The following DCAF8L2 variants were observed in gnomAD, a reference collection of about 807,000 sequenced individuals.
The protein encoded by DCAF8L2 is DDB1 and CUL4 associated factor 8 like 2.
For synonymous variants in DCAF8L2, 200 were observed against 190.9 expected (o/e 1.05, Z -0.39); for missense variants, 430 against 490.7 (o/e 0.88, Z 1.17).
the DCAF8L2 span, among the ~76,000 whole-genome samples, chrX:27,527,686 A>T: frequency 3.7e-5 from 4 of 107,161 alleles, no homozygotes; most frequent in African/African-American, 1.0e-4. Flanking sequence ...TTTTCCGCTC[A>T]TGTCACCCAG....
At chrX:27,719,518 C>T (rs188707293) in intron 4 of DCAF8L2, among the ~76,000 whole-genome samples, 1 of 100,007 alleles carries the variant, frequency 1.0e-5, no homozygotes, top group African/African-American at 3.7e-5. Context: ...GATCTTGGCT[C>T]ACTGAAACCT....
intron 1 of DCAF8L2, among the ~76,000 whole-genome samples, chrX:27,600,263 CTGAA>C (rs1244563909): frequency 8.9e-6 from 1 of 111,920 alleles, no homozygotes; most frequent in Non-Finnish European, 1.9e-5. Flanking sequence ...CAAGAAGACA[CTGAA>C]TGAAGGCTGA....
intron 3 of DCAF8L2, among the ~76,000 whole-genome samples, chrX:27,714,423 C>A (rs749662350): frequency 7.2e-5 from 8 of 110,508 alleles, no homozygotes; most frequent in Admixed American, 5.8e-4. Flanking sequence ...CCTAAAACAT[C>A]TTTTTCCTGT....
the DCAF8L2 span, among the ~76,000 whole-genome samples, chrX:27,538,432 C>T: frequency 3.6e-5 from 4 of 110,365 alleles, no homozygotes; most frequent in East Asian, 5.7e-4. Context: ...CTTGCTTTGT[C>T]GCCCAGGCTG....
intron 1 of DCAF8L2, among the ~76,000 whole-genome samples, chrX:27,599,231 C>T (rs5971203): frequency 0.11 from 12,372 of 110,341 alleles, 1,226 homozygotes; most frequent in African/African-American, 0.32. Flanking sequence ...ATTGATGAAC[C>T]TGGAGGATAC....
At chrX:27,469,855 G>A in the DCAF8L2 span, among the ~76,000 whole-genome samples, 2 of 106,889 alleles carry the variant, frequency 1.9e-5, no homozygotes, top group Non-Finnish European at 3.8e-5. Context: ...TGCAACCTCC[G>A]CCTCCTGAGT....
intron 1 of DCAF8L2, among the ~76,000 whole-genome samples, chrX:27,611,273 T>C (rs1927151658): frequency 9.0e-6 from 1 of 110,744 alleles, no homozygotes; most frequent in African/African-American, 3.3e-5. Context: ...AATATACCTT[T>C]CAAAATAAAA....
chrX:27,477,380 C>T, the DCAF8L2 span, among the ~76,000 whole-genome samples: 4 of 111,472 alleles, frequency 3.6e-5, no homozygotes, highest in African/African-American at 9.8e-5. Context: ...CTCTGCCTCC[C>T]GGGTTCATGC....
chrX:27,746,090 C>A (rs1922145950), intron 4 of DCAF8L2, among the ~76,000 whole-genome samples: 1 of 111,757 alleles, frequency 8.9e-6, no homozygotes, highest in Admixed American at 9.5e-5. Flanking sequence ...TGATTTCAGC[C>A]TTCATTACAC....
chrX:27,584,103 G>A, the DCAF8L2 span, among the ~76,000 whole-genome samples: 1 of 111,360 alleles, frequency 9.0e-6, no homozygotes, highest in African/African-American at 3.3e-5. Context: ...AAATTGCTTG[G>A]TAATCTTACT....
At chrX:27,616,013 A>G (rs780547763) in intron 1 of DCAF8L2, among the ~76,000 whole-genome samples, 1 of 111,331 alleles carries the variant, frequency 9.0e-6, no homozygotes, top group South Asian at 3.7e-4. Flanking sequence ...AATATAACTA[A>G]GACATTTAAA....
chrX:27,477,370 C>T, the DCAF8L2 span, among the ~76,000 whole-genome samples: 3 of 111,759 alleles, frequency 2.7e-5, no homozygotes, highest in Non-Finnish European at 5.6e-5. Flanking sequence ...TCACTGCAAG[C>T]TCTGCCTCCC....
intron 3 of DCAF8L2, among the ~76,000 whole-genome samples, chrX:27,682,433 AAATAC>A (rs1930360757): frequency 8.9e-6 from 1 of 112,149 alleles, no homozygotes; most frequent in Non-Finnish European, 1.9e-5. Flanking sequence ...TGAGAAAGCA[AAATAC>A]AATAATTTGT....
intron 4 of DCAF8L2, among the ~76,000 whole-genome samples, chrX:27,745,985 G>A (rs1922140886): frequency 9.0e-6 from 1 of 111,189 alleles, no homozygotes; most frequent in African/African-American, 3.3e-5. Context: ...TAAATATATA[G>A]GAACTCTGGT....
chrX:27,519,643 A>G, the DCAF8L2 span: 664 of 616,293 alleles, frequency 1.1e-3, 12 homozygotes, highest in Admixed American at 0.015. Flanking sequence ...TGAATTATCA[A>G]ATGAAGGGGT....
chrX:27,481,983 T>C, the DCAF8L2 span, among the ~76,000 whole-genome samples: 1 of 111,887 alleles, frequency 8.9e-6, no homozygotes, highest in Admixed American at 9.5e-5. Flanking sequence ...GAATGTGCTT[T>C]CTTGGTAAGA....
chrX:27,746,798 A>C, intron 4 of DCAF8L2, 40 bp from the exon 5 acceptor site: 1 of 802,209 alleles, frequency 1.2e-6, no homozygotes, highest in Non-Finnish European at 1.8e-6. Context: ...TACTTCCTTC[A>C]CTACCATCAG....
chrX:27,520,826 C>G, the DCAF8L2 span, among the ~76,000 whole-genome samples: 10 of 111,861 alleles, frequency 8.9e-5, no homozygotes, highest in South Asian at 3.7e-3. Context: ...AATTGTAGGC[C>G]ATTTTCTTCC....
intron 2 of DCAF8L2, among the ~76,000 whole-genome samples, chrX:27,667,297 G>C (rs1929775353): frequency 8.9e-6 from 1 of 111,770 alleles, no homozygotes; most frequent in South Asian, 3.7e-4. Flanking sequence ...AGAATAAGTA[G>C]AAACACACCT....
Sources: gnomAD v4.1 joint callset for allele counts (sites outside exome capture counted in the v4.1 genomes callset) on GRCh38, gnomAD v4.1.1 for gene constraint, MANE v1.5 for transcripts, NCBI Gene and HGNC (gene_info 2026-07-23, HGNC 2026-07-21) for gene names.